The following KIF24 variants were observed in gnomAD, a reference collection of about 807,000 sequenced individuals.
KIF24 encodes the protein kinesin-like protein KIF24.
Under a neutral mutation model 118.9 loss-of-function variants are expected in KIF24, and 81 were observed. The ratio of observed to expected loss-of-function variants is 0.68; its 90% confidence interval spans 0.57 to 0.82. The LOEUF (loss-of-function observed/expected upper bound fraction) is 0.82, where lower values mean the gene tolerates loss of function less well. KIF24 is among the 40% of genes least tolerant of loss of function. The pLI is 0.00. For synonymous variants in KIF24, 599 were observed against 610.0 expected, an observed-to-expected ratio of 0.98 and a Z score of 0.27; for missense variants, 1,560 against 1,661.6, an observed-to-expected ratio of 0.94 and a Z score of 1.06.
chr9:34,329,269 G>T (rs1335379161), upstream of KIF24, among the ~76,000 whole-genome samples: 1 of 152,226 alleles, frequency 6.6e-6, no homozygotes. Flanking sequence ...CAGTTCGAAC[G>T]CCCGCGCTGT....
intron 8 of KIF24, among the ~76,000 whole-genome samples, chr9:34,265,120 T>C (rs143930427): frequency 2.1e-4 from 32 of 152,330 alleles, no homozygotes; most frequent in African/African-American, 7.5e-4. Flanking sequence ...CTTCTTTGAA[T>C]GTGGCTTATT....
rs1466935535 is a variant in KIF24 at position 34,329,261 on chromosome 9, G to C, written c.-181C>G. ...TCCATGGCAACGCCGCCAAGCGCCA[G>C]TTCGAACGCCCGCGCTGTGGCCCGC... On this transcript the variant is annotated 5_prime_UTR_variant, in exon 1 of 13. Transcript: ENST00000402558. 6.6e-6 allele frequency among the ~76,000 whole-genome samples: 1 copy of C among 152,258 alleles called. No individual in the cohort carries two copies. The highest frequency in any genetic ancestry group is 1.5e-5 in the Non-Finnish European group (1 of 68,048).
At chr9:34,301,887 G>C (rs988208971) in intron 3 of KIF24, among the ~76,000 whole-genome samples, 3 of 151,618 alleles carry the variant, frequency 2.0e-5, no homozygotes, top group African/African-American at 7.3e-5. Flanking sequence ...ATAGAGAATA[G>C]AGAAGAAAAT....
chr9:34,333,611 C>A (rs1024153606), upstream of KIF24, among the ~76,000 whole-genome samples: 1 of 138,318 alleles, frequency 7.2e-6, no homozygotes, highest in Non-Finnish European at 1.5e-5. Flanking sequence ...CATACCATTG[C>A]CCTCCAGTCT....
intron 3 of KIF24, among the ~76,000 whole-genome samples, chr9:34,300,472 G>A (rs868450207): frequency 6.6e-6 from 1 of 151,580 alleles, no homozygotes; most frequent in South Asian, 2.1e-4. Flanking sequence ...TGCTTCAAGC[G>A]ATTCTCCTGC....
At chr9:34,304,313 C>T (rs1256603650) in intron 3 of KIF24, among the ~76,000 whole-genome samples, 1 of 152,096 alleles carries the variant, frequency 6.6e-6, no homozygotes, top group East Asian at 1.9e-4. Context: ...GGATTCGGAC[C>T]TATGAGAGCA....
At chr9:34,266,891 A>G (rs1835315243) in intron 8 of KIF24, among the ~76,000 whole-genome samples, 1 of 152,252 alleles carries the variant, frequency 6.6e-6, no homozygotes, top group South Asian at 2.1e-4. Flanking sequence ...TTGGCTAAAT[A>G]TGTTGAATTT....
chr9:34,255,920 C>G lies in KIF24; in HGVS notation c.3687G>C (p.Arg1229Ser). Residue 1229 changes from arginine (R) to serine (S), a missense_variant, in exon 11 of 13, where the codon AGG (arginine) becomes AGC (serine). Arg to Ser is a moderately radical substitution (Grantham distance 110, BLOSUM62 -1). This residue lies in a region of KIF24 where 591 missense variants were observed against 655.6 expected (regional missense o/e 0.90). Coordinates refer to ENST00000402558, the MANE Select transcript of KIF24 (RefSeq NM_194313.4). ...LWAQERKHPT[R>S]LGWQEFGLST... ...ACAAACCAAACTCCTGCCAACCAAG[C>G]CTTGTAGGATGTTTTCTCTCCTGGG... 6.2e-7 allele frequency: 1 copy of G among 1,614,004 alleles called. No individual in the cohort carries two copies. Among genetic ancestry groups the G allele is most frequent in the South Asian group, 1.1e-5 (1 of 91,076 alleles).
rs71504112 is a variant in KIF24, at chr9:34,301,987, ATT to A, written c.813+4263_813+4264del. Among the ~76,000 whole-genome samples the A allele has an allele frequency of 7.0e-4, 51 of 72,538 alleles. 1 individual carries two copies. The highest frequency in any genetic ancestry group is 1.4e-3 in the South Asian group (2 of 1,472). 47.6% of individuals were successfully genotyped at this position (72,538 alleles called of 152,430 possible). ...GTCATCTTATTTTTTCTATATATGT[ATT>A]TTTTTTTCTTTTTTTTTTTTTTTGA... On this transcript the variant is annotated intron_variant, in intron 3 of 12. Coordinates refer to ENST00000402558, the MANE Select transcript of KIF24 (RefSeq NM_194313.4).
chr9:34,267,658 A>T (rs1835344437), intron 8 of KIF24, among the ~76,000 whole-genome samples: 1 of 152,212 alleles, frequency 6.6e-6, no homozygotes, highest in Non-Finnish European at 1.5e-5. Context: ...TTATTTCAGC[A>T]TGTAGTCAAT....
At chr9:34,316,315 T>C (rs999281030) in intron 1 of KIF24, among the ~76,000 whole-genome samples, 4 of 151,588 alleles carry the variant, frequency 2.6e-5, no homozygotes, top group South Asian at 2.1e-4. Flanking sequence ...CACTCCAGTC[T>C]GGCAATAGAG....
intron 3 of KIF24, among the ~76,000 whole-genome samples, chr9:34,303,045 A>G (rs543193802): frequency 6.6e-5 from 10 of 151,972 alleles, no homozygotes; most frequent in Non-Finnish European, 1.3e-4. Context: ...AAGTGCTGGG[A>G]TTACAGGCGT....
chr9:34,313,124 G>A (rs1353915512), intron 1 of KIF24, among the ~76,000 whole-genome samples: 1 of 152,142 alleles, frequency 6.6e-6, no homozygotes, highest in Non-Finnish European at 1.5e-5. Context: ...GACTTGTTTT[G>A]CCCAATACAA....
chr9:34,319,584 C>CA, intron 1 of KIF24: 1 of 1,020,752 alleles, frequency 9.8e-7, no homozygotes, highest in African/African-American at 1.6e-5. Context: ...GTGGGACACC[C>CA]AGAGCGGCTC....
chr9:34,308,703 C>T (rs1478512967), intron 2 of KIF24, among the ~76,000 whole-genome samples: 1 of 152,112 alleles, frequency 6.6e-6, no homozygotes, highest in African/African-American at 2.4e-5. Flanking sequence ...TAAAATTGTT[C>T]AGGGCTCTAG....
At chr9:34,311,696 ATG>A (rs1419372374) in intron 1 of KIF24, among the ~76,000 whole-genome samples, 127 of 148,062 alleles carry the variant, frequency 8.6e-4, no homozygotes, top group African/African-American at 2.9e-3. Context: ...ATACGTATAT[ATG>A]TACATATATA....
At chr9:34,272,554 A>C (rs965230016) in intron 6 of KIF24, among the ~76,000 whole-genome samples, 4 of 152,214 alleles carry the variant, frequency 2.6e-5, no homozygotes, top group African/African-American at 9.7e-5. Flanking sequence ...CTGAAAACAC[A>C]GCCATTTAAG....
At chr9:34,321,036 TG>T (rs1358779839) in intron 1 of KIF24, among the ~76,000 whole-genome samples, 1 of 152,226 alleles carries the variant, frequency 6.6e-6, no homozygotes, top group Non-Finnish European at 1.5e-5. Context: ...ATTATTGACA[TG>T]TCACTAGATT....
At position 34,254,040 on chromosome 9, in the gene KIF24, C is replaced by A; in HGVS notation, c.*340G>T. 1 of 184,252 alleles carries A rather than the reference C, an allele frequency of 5.4e-6. No individual in the cohort carries two copies. 11.4% of individuals were successfully genotyped at this position (184,252 alleles called of 1,614,324 possible). ...CACTGACCACCCCATCCTCTGATCC[C>A]CAAACTTAGAAACTTCAGGGTTATT... On this transcript the variant is annotated 3_prime_UTR_variant, in exon 13 of 13. Transcript: ENST00000402558.
Sources: gnomAD v4.1 joint callset for allele counts (sites outside exome capture counted in the v4.1 genomes callset) on GRCh38, gnomAD v4.1.1 for gene constraint, gnomAD v4.1.1 regional missense constraint, MANE v1.5 for transcripts, NCBI Gene and HGNC (gene_info 2026-07-23, HGNC 2026-07-21) for gene names.